Variants in GAS7 observed in about 807,000 individuals in gnomAD.
The protein encoded by GAS7 is growth arrest-specific protein 7.
In GAS7, 28 loss-of-function variants were observed where a neutral mutation model predicts 71.1. The observed-to-expected ratio is 0.39, with a 90% CI of 0.29 to 0.54. The LOEUF (loss-of-function observed/expected upper bound fraction) is 0.54. Among genes scored for constraint, GAS7 ranks in the 20% least tolerant of loss-of-function variants. The probability of loss-of-function intolerance (pLI) is 0.62; values close to 1 mark genes in which losing one functional copy is unlikely to be tolerated. For missense variants in GAS7, 436 were observed against 627.8 expected (o/e 0.69, Z 3.27); for synonymous variants, 258 against 245.8 (o/e 1.05, Z -0.46).
intron 6 of GAS7, 122 bp downstream of exon 6, chr17:9,946,772 G>C: frequency 1.6e-6 from 1 of 623,026 alleles, no homozygotes; most frequent in Non-Finnish European, 2.9e-6. Context: ...TCTAACACCA[G>C]CCCTTCACGC....
chr17:10,169,266 CA>C (rs59458579), intron 1 of GAS7, among the ~76,000 whole-genome samples: 3,680 of 145,862 alleles, frequency 0.025, 118 homozygotes, highest in African/African-American at 0.074. Flanking sequence ...GACTTCGACT[CA>C]AAAAAAAAAA....
intron 1 of GAS7, among the ~76,000 whole-genome samples, chr17:10,068,195 G>A (rs117141878): frequency 0.012 from 1,773 of 152,240 alleles, 58 homozygotes; most frequent in East Asian, 0.074. Flanking sequence ...ACCCCCATAT[G>A]CACTTGATAG....
intron 1 of GAS7, among the ~76,000 whole-genome samples, chr17:10,033,788 G>C (rs1403805488): frequency 6.6e-6 from 1 of 152,228 alleles, no homozygotes; most frequent in Non-Finnish European, 1.5e-5. Context: ...GGAGTGGCCT[G>C]CAGGCACTGA....
At chr17:9,939,860 G>A (rs111703779) in intron 8 of GAS7, among the ~76,000 whole-genome samples, 4,706 of 152,166 alleles carry the variant, frequency 0.031, 117 homozygotes, top group Non-Finnish European at 0.05. Flanking sequence ...CACCCGCCTC[G>A]GCCTCCCAAA....
chr17:9,967,554 A>G (rs9910715), intron 4 of GAS7, among the ~76,000 whole-genome samples: 29,681 of 120,408 alleles, frequency 0.25, 3,270 homozygotes, highest in Middle Eastern at 0.37. Flanking sequence ...TCCTAAGTAT[A>G]GATAAGTATA....
intron 9 of GAS7, among the ~76,000 whole-genome samples, chr17:9,927,286 TACATACACACACAC>T (rs2068038458): frequency 1.5e-5 from 1 of 68,736 alleles, no homozygotes; most frequent in South Asian, 4.7e-4. Flanking sequence ...CCATCTCTAC[TACATACACACACAC>T]ACACACACAC....
chr17:10,192,724 A>G (rs547417909), intron 1 of GAS7, among the ~76,000 whole-genome samples: 2 of 152,366 alleles, frequency 1.3e-5, no homozygotes, highest in Admixed American at 6.5e-5. Flanking sequence ...TGACCAGTCC[A>G]GCACACAAGT....
Position 9,969,022 on chromosome 17 carries a change from G to A in GAS7, c.471+655C>T, listed in dbSNP as rs117624457. On this transcript the variant is annotated intron_variant, in intron 4 of 13. Transcript: ENST00000432992. This position sits in a 1 kb window ranked among gnomAD's most constrained non-coding sequence, Gnocchi z 5.5. ...GGCACAGCTTCACGCAACTAGAAAA[G>A]CCGTAAGCACTGACATCAAGGTCCA... 1.1e-3 allele frequency among the ~76,000 whole-genome samples: 169 copies of A among 152,286 alleles called. 2 individuals are homozygous for A. In the East Asian group the frequency reaches 0.031, roughly 28 times the overall value.
Position 10,039,661 on chromosome 17 carries a change from C to T in GAS7, c.184-19764G>A, listed in dbSNP as rs561745704. Reference sequence around the variant, plus strand: ...TCATGCCACTGCACTCCAACCTGGACGTCAGAGTGAGACCCTGTCTCAAAA... The same window carrying T: ...TCATGCCACTGCACTCCAACCTGGATGTCAGAGTGAGACCCTGTCTCAAAA... On this transcript the variant is annotated intron_variant, in intron 1 of 13. Transcript: ENST00000432992. 47 of 440,892 alleles carry T rather than the reference C, an allele frequency of 1.1e-4. 2 individuals are homozygous for T. The highest frequency in any genetic ancestry group is 5.0e-4 in the South Asian group (31 of 62,136). The allele number at this position is 440,892 out of a possible 1,614,324, so 27.3% of individuals were successfully genotyped here.
chr17:10,036,782 T>C (rs1001074337), intron 1 of GAS7: 2 of 1,145,470 alleles, frequency 1.7e-6, no homozygotes, highest in Admixed American at 4.6e-5. Flanking sequence ...CTCCCTCTTT[T>C]TCCCCTTTCT....
At chr17:10,025,026 G>A (rs982210892) in intron 1 of GAS7, among the ~76,000 whole-genome samples, 10 of 152,084 alleles carry the variant, frequency 6.6e-5, no homozygotes, top group South Asian at 2.1e-4. Flanking sequence ...ATTTATCCCC[G>A]CTTTAAAACA....
chr17:9,947,960 G>A (rs923682382), intron 5 of GAS7, among the ~76,000 whole-genome samples: 1 of 152,066 alleles, frequency 6.6e-6, no homozygotes, highest in African/African-American at 2.4e-5. Flanking sequence ...AAGACCTTGA[G>A]GATGACCCAC....
rs182721095 is a variant in GAS7 at position 10,090,675 on chromosome 17, G to A, written c.184-70778C>T. Among the ~76,000 whole-genome samples, 464 of 152,282 alleles carry A rather than the reference G, an allele frequency of 3.0e-3. 2 individuals carry two copies. The highest frequency in any genetic ancestry group is 5.7e-3 in the Non-Finnish European group (386 of 68,022). On this transcript the variant is annotated intron_variant, in intron 1 of 13. Coordinates refer to ENST00000432992, the MANE Select transcript of GAS7 (RefSeq NM_201433.2). ...AAAAAAACACCTGCTTTCCCTCAAT[G>A]CCAGTGCATTTCACAAATGACATCA... is the stretch of plus-strand genomic sequence containing the variant.
At chr17:10,169,478 C>T (rs1019163951) in intron 1 of GAS7, among the ~76,000 whole-genome samples, 3 of 152,158 alleles carry the variant, frequency 2.0e-5, no homozygotes, top group African/African-American at 7.2e-5. Flanking sequence ...AAGGGTGCGT[C>T]ATCCCTGAGG....
intron 2 of GAS7, among the ~76,000 whole-genome samples, chr17:9,982,092 T>C (rs988944253): frequency 6.6e-6 from 1 of 152,108 alleles, no homozygotes; most frequent in Non-Finnish European, 1.5e-5. Flanking sequence ...CACCATCCCA[T>C]GACCACAGAG....
At chr17:10,166,491 A>G (rs1278497456) in intron 1 of GAS7, among the ~76,000 whole-genome samples, 2 of 152,236 alleles carry the variant, frequency 1.3e-5, no homozygotes, top group Non-Finnish European at 2.9e-5. Flanking sequence ...TTTCAATGAA[A>G]TATGTATTGA....
At chr17:9,950,898 A>G (rs1250683852) in intron 5 of GAS7, among the ~76,000 whole-genome samples, 1 of 151,574 alleles carries the variant, frequency 6.6e-6, no homozygotes, top group Admixed American at 6.6e-5. Flanking sequence ...CTAAAAAATT[A>G]GCACTGTGAT....
intron 7 of GAS7, among the ~76,000 whole-genome samples, chr17:9,941,401 T>C (rs942097033): frequency 6.6e-6 from 1 of 152,232 alleles, no homozygotes; most frequent in Non-Finnish European, 1.5e-5. Flanking sequence ...ATACGCTGTC[T>C]GCCTCCTGTG....
intron 5 of GAS7, among the ~76,000 whole-genome samples, chr17:9,956,197 G>A (rs2069228371): frequency 6.6e-6 from 1 of 152,228 alleles, no homozygotes; most frequent in South Asian, 2.1e-4. Context: ...CTTGCCTGCA[G>A]CAGAGAAGGG....
Sources: gnomAD v4.1 joint callset for allele counts (sites outside exome capture counted in the v4.1 genomes callset) on GRCh38, gnomAD v4.1.1 for gene constraint, Gnocchi (gnomAD v3.1) non-coding constraint, MANE v1.5 for transcripts, NCBI Gene and HGNC (gene_info 2026-07-23, HGNC 2026-07-21) for gene names.